NRG3: variants seen among roughly 807,000 people sequenced by gnomAD.
The protein encoded by NRG3 is pro-neuregulin-3, membrane-bound isoform.
In NRG3, 31 loss-of-function variants were observed where a neutral mutation model predicts 66.9. That is an observed-to-expected ratio of 0.46 (90% CI 0.35 to 0.63). The LOEUF is 0.63. Among genes scored for constraint, NRG3 ranks in the 20% least tolerant of loss-of-function variants. The pLI is 0.00. For missense variants in NRG3, 910 were observed against 878.9 expected (o/e 1.04, Z -0.45); for synonymous variants, 393 against 359.4 (o/e 1.09, Z -1.06).
At chr10:82,936,803 C>A (rs1848115394) in intron 4 of NRG3, among the ~76,000 whole-genome samples, 1 of 152,034 alleles carries the variant, frequency 6.6e-6, no homozygotes, top group Non-Finnish European at 1.5e-5. Context: ...AGGAAGACAA[C>A]TGTTAAACAT....
intron 1 of NRG3, among the ~76,000 whole-genome samples, chr10:82,197,300 GTGTTATCAAGGAACT>G (rs1478014268): frequency 2.0e-5 from 3 of 152,094 alleles, no homozygotes; most frequent in Admixed American, 1.3e-4. Flanking sequence ...AAAGAGATGT[GTGTTATCAAGGAACT>G]TGATATGCCC....
chr10:82,719,206 T>A (rs2057151530), intron 2 of NRG3, among the ~76,000 whole-genome samples: 1 of 152,114 alleles, frequency 6.6e-6, no homozygotes, highest in South Asian at 2.1e-4. Flanking sequence ...GGTGGAGGTG[T>A]GTGTATTGGA....
chr10:82,190,296 GA>G lies in NRG3; in HGVS notation c.824-168433del, dbSNP rs147875513. On this transcript the variant is annotated intron_variant, in intron 1 of 8. Transcript: ENST00000372141. ...AAAAAATTTATTACTTTCTAAGCAG[GA>G]AAAAAAAAATTCAAATTTAGGACAG... is the stretch of plus-strand genomic sequence containing the variant. Among the ~76,000 whole-genome samples, 1,315 of 148,576 alleles carry G rather than the reference GA, an allele frequency of 8.9e-3. 12 individuals are homozygous for G. Among genetic ancestry groups the G allele is most frequent in the African/African-American group, 0.03 (1,221 of 40,646 alleles).
intron 1 of NRG3, among the ~76,000 whole-genome samples, chr10:82,227,164 T>C (rs776139891): frequency 1.2e-4 from 18 of 152,134 alleles, no homozygotes; most frequent in African/African-American, 2.4e-4. Flanking sequence ...CTGCAGCTTG[T>C]ACTTGGGCTG....
At chr10:82,901,529 C>T (rs1049877272) in intron 4 of NRG3, among the ~76,000 whole-genome samples, 8 of 152,172 alleles carry the variant, frequency 5.3e-5, no homozygotes, top group African/African-American at 1.7e-4. Context: ...AGGTACTGCT[C>T]TCTGCAGGAT....
At chr10:82,209,884 G>T (rs1016953118) in intron 1 of NRG3, among the ~76,000 whole-genome samples, 1 of 152,074 alleles carries the variant, frequency 6.6e-6, no homozygotes, top group Non-Finnish European at 1.5e-5. Flanking sequence ...ATCTTGGGTC[G>T]TGTGAAGCAT....
At chr10:82,245,887 C>T (rs538475264) in intron 1 of NRG3, among the ~76,000 whole-genome samples, 26 of 151,020 alleles carry the variant, frequency 1.7e-4, no homozygotes, top group South Asian at 1.5e-3. Flanking sequence ...CTCTTGGGTA[C>T]GTTAGAATAC....
At chr10:82,633,600 G>A (rs1031755509) in intron 2 of NRG3, among the ~76,000 whole-genome samples, 1 of 152,136 alleles carries the variant, frequency 6.6e-6, no homozygotes, top group African/African-American at 2.4e-5. Flanking sequence ...CTTAAAGTGT[G>A]GCCCAGGAGT....
intron 2 of NRG3, among the ~76,000 whole-genome samples, chr10:82,705,485 T>G (rs2056221153): frequency 6.6e-6 from 1 of 152,194 alleles, no homozygotes; most frequent in Non-Finnish European, 1.5e-5. Flanking sequence ...ACAGGTGCAT[T>G]GAGTTCAGCT....
chr10:82,647,970 T>C (rs1189980114), intron 2 of NRG3, among the ~76,000 whole-genome samples: 3 of 148,012 alleles, frequency 2.0e-5, no homozygotes, highest in African/African-American at 7.5e-5. Flanking sequence ...TTCACTCTGA[T>C]GGTAGTTTCT....
intron 3 of NRG3, among the ~76,000 whole-genome samples, chr10:82,739,669 TTTTG>T (rs1348579814): frequency 1.3e-5 from 2 of 152,178 alleles, no homozygotes; most frequent in Non-Finnish European, 2.9e-5. Context: ...AAGAAAAAGG[TTTTG>T]TTTAATTTAA....
At chr10:82,249,365 C>T (rs2077384260) in intron 1 of NRG3, among the ~76,000 whole-genome samples, 1 of 152,078 alleles carries the variant, frequency 6.6e-6, no homozygotes, top group Admixed American at 6.5e-5. Context: ...TAAGCAGACT[C>T]ATTTGCACCG....
intron 1 of NRG3, among the ~76,000 whole-genome samples, chr10:81,938,643 A>ATGTGTGTGTGTGTGTGTGTGTG (rs1564674211): frequency 1.4e-5 from 2 of 145,716 alleles, no homozygotes; most frequent in African/African-American, 5.1e-5. Context: ...GTGTGTGTGC[A>ATGTGTGTGTGTGTGTGTGTGTG]TGCATGCATG....
At chr10:82,372,672 C>T (rs567608348) in intron 2 of NRG3, among the ~76,000 whole-genome samples, 1 of 152,278 alleles carries the variant, frequency 6.6e-6, no homozygotes, top group Admixed American at 6.5e-5. Context: ...TGGCTCACTG[C>T]AACCTCCACC....
intron 2 of NRG3, among the ~76,000 whole-genome samples, chr10:82,450,436 A>G (rs1053042555): frequency 5.9e-5 from 9 of 152,200 alleles, no homozygotes; most frequent in African/African-American, 1.7e-4. Context: ...GCAGCTGGTC[A>G]CTCAGCTTCT....
At chr10:82,806,602 TTTGAGGATG>T (rs1432920217) in intron 3 of NRG3, among the ~76,000 whole-genome samples, 2 of 152,196 alleles carry the variant, frequency 1.3e-5, no homozygotes, top group Admixed American at 6.5e-5. Flanking sequence ...AAGGCATTGA[TTTGAGGATG>T]TTGTTTCACA....
chr10:82,823,834 A>G (rs892650325), intron 3 of NRG3, among the ~76,000 whole-genome samples: 1 of 152,056 alleles, frequency 6.6e-6, no homozygotes, highest in Admixed American at 6.6e-5. Flanking sequence ...CTTTTTTTTA[A>G]TTGACGTATA....
chr10:82,041,042 A>G (rs963771836), intron 1 of NRG3, among the ~76,000 whole-genome samples: 1 of 152,126 alleles, frequency 6.6e-6, no homozygotes, highest in African/African-American at 2.4e-5. Context: ...AATGCCATGC[A>G]TATTTCTGCC....
At position 82,192,663 on chromosome 10, in the gene NRG3, A is replaced by G. The variant is rs61385519; in HGVS notation, c.824-166076A>G. ...ATTATTTGTCTATCTAGATGAATGTATTAATTCATTGATTTAATAAGCATT... is the reference window on the plus strand; with the variant it reads ...ATTATTTGTCTATCTAGATGAATGTGTTAATTCATTGATTTAATAAGCATT... On this transcript the variant is annotated intron_variant, in intron 1 of 8. Transcript: ENST00000372141. Among the ~76,000 whole-genome samples the G allele has an allele frequency of 8.9e-3, 1,356 of 152,268 alleles. 18 individuals carry two copies. Among genetic ancestry groups the G allele is most frequent in the African/African-American group, 0.031 (1,282 of 41,554 alleles).
Sources: gnomAD v4.1 joint callset for allele counts (sites outside exome capture counted in the v4.1 genomes callset) on GRCh38, gnomAD v4.1.1 for gene constraint, MANE v1.5 for transcripts, NCBI Gene and HGNC (gene_info 2026-07-23, HGNC 2026-07-21) for gene names.